The following CYP26C1 variants were observed in gnomAD, a reference collection of about 807,000 sequenced individuals.
The protein encoded by CYP26C1 is cytochrome P450 family 26 subfamily C member 1.
CYP26C1 carries 41 observed loss-of-function variants against 39.1 expected under a neutral mutation model. That is an observed-to-expected ratio of 1.05 (90% CI 0.82 to 1.36). CYP26C1 has a LOEUF of 1.36. Among genes scored for constraint, CYP26C1 ranks in the 40% most tolerant of loss-of-function variants. The pLI is 0.00. For missense variants in CYP26C1, 833 were observed against 752.0 expected, an observed-to-expected ratio of 1.11 and a Z score of -1.26; for synonymous variants, 362 against 350.8, an observed-to-expected ratio of 1.03 and a Z score of -0.36.
Position 93,068,465 on chromosome 10 carries a change from G to A in CYP26C1, c.1337G>A (p.Arg446His), listed in dbSNP as rs1027315035. The A allele has an allele frequency of 6.2e-7, 1 of 1,611,416 alleles. No homozygotes were observed. The highest frequency in any genetic ancestry group is 8.5e-7 in the Non-Finnish European group (1 of 1,179,362). ...AREDSRGASS[R>H]FHYIPFGGGA... ...GAAGATTCCCGGGGCGCCTCCAGCC[G>A]CTTCCATTACATCCCGTTCGGCGGC... Residue 446 changes from arginine to histidine, a missense_variant, in exon 6 of 6, where the codon CGC (arginine) becomes CAC (histidine). By Grantham distance (29) the Arg-to-His change is conservative. Coordinates refer to ENST00000651965, the MANE Select transcript of CYP26C1 (RefSeq NM_183374.3).
Position 93,062,950 on chromosome 10 carries a change from C to A in CYP26C1, c.660C>A (p.Asn220Lys), listed in dbSNP as rs1224395109. The change falls in exon 3 of 6, where the codon AAC (asparagine) becomes AAA (lysine). Residue 220 changes from asparagine to lysine, a missense_variant. Transcript: ENST00000651965. ...LARTFEQLVE[N>K]LFSLPLDVPF... Reference sequence around the variant, plus strand: ...GGACCTTCGAGCAGCTCGTGGAGAACCTCTTCTCACTGCCTCTGGACGTTC... The same window carrying A: ...GGACCTTCGAGCAGCTCGTGGAGAAACTCTTCTCACTGCCTCTGGACGTTC... 1.2e-6 allele frequency: 2 copies of A among 1,601,868 alleles called. No individual in the cohort carries two copies. The highest frequency in any genetic ancestry group is 1.7e-6 in the Non-Finnish European group (2 of 1,177,226).
chr10:93,062,996 G>A lies in CYP26C1; in HGVS notation c.705+1G>A. On this transcript the variant is annotated splice_donor_variant, in intron 3 of 5. Transcript: ENST00000651965. LOFTEE classifies it high-confidence loss of function. Reference sequence around the variant, plus strand: ...CGTTCCCTTCAGTGGCCTACGCAAGGTACGGCCGCCCCGGCTCCAGACCTT... The same window carrying A: ...CGTTCCCTTCAGTGGCCTACGCAAGATACGGCCGCCCCGGCTCCAGACCTT... 1.3e-6 allele frequency: 2 copies of A among 1,557,758 alleles called. No individual in the cohort carries two copies. The highest frequency in any genetic ancestry group is 1.7e-6 in the Non-Finnish European group (2 of 1,153,056).
In CYP26C1 at chr10:93,068,934, G is replaced by T; in HGVS notation, c.*237G>T. On this transcript the variant is annotated 3_prime_UTR_variant, in exon 6 of 6. Transcript: ENST00000651965. The stretch of plus-strand genomic sequence containing the variant: ...TGGGAAGATGCCTTCTGCGCTCCGC[G>T]CCCAGAGGAAGGAAAATGTCGTGGG... 3.3e-6 allele frequency: 2 copies of T among 606,962 alleles called. No homozygotes were observed. The highest frequency in any genetic ancestry group is 5.1e-6 in the Non-Finnish European group (2 of 394,874). The allele number at this position is 606,962 out of a possible 1,614,324, so 37.6% of individuals were successfully genotyped here.
intron 5 of CYP26C1, among the ~76,000 whole-genome samples, chr10:93,066,718 C>T (rs963917333): frequency 6.6e-6 from 1 of 152,208 alleles, no homozygotes; most frequent in African/African-American, 2.4e-5. Flanking sequence ...GAAGGAACCC[C>T]TCATTGCGAC....
Position 93,066,125 on chromosome 10 carries a change from G to C in CYP26C1, c.1031G>C (p.Gly344Ala). ...GGCTGCGCGCCCGGGGCCGCTGGGGGCAGCGAGGGGCCCCCGCCCGACTGC... is the reference window on the plus strand; with the variant it reads ...GGCTGCGCGCCCGGGGCCGCTGGGGCCAGCGAGGGGCCCCCGCCCGACTGC... Reference protein sequence around the residue: ...ACGCAPGAAGGSEGPPPDCGC... With the variant: ...ACGCAPGAAGASEGPPPDCGC... Residue 344 changes from glycine to alanine, a missense_variant, in exon 5 of 6, where the codon GGC becomes GCC. Coordinates refer to ENST00000651965, the MANE Select transcript of CYP26C1 (RefSeq NM_183374.3). The C allele has an allele frequency of 1.5e-6, 2 of 1,334,314 alleles. No individual in the cohort carries two copies. Among genetic ancestry groups the C allele is most frequent in the Non-Finnish European group, 1.9e-6 (2 of 1,047,368 alleles). The allele number at this position is 1,334,314 out of a possible 1,614,324, so 82.7% of individuals were successfully genotyped here. A position where few individuals can be genotyped will look rare whatever the true frequency, so the allele number is the denominator to read the frequency against.
chr10:93,065,312 A>G (rs541371812), intron 4 of CYP26C1, among the ~76,000 whole-genome samples: 29 of 152,238 alleles, frequency 1.9e-4, no homozygotes, highest in South Asian at 4.1e-4. Flanking sequence ...TGGAACTAAT[A>G]AGAGCATGAG....
Position 93,060,920 on chromosome 10 carries a change from G to C in CYP26C1, c.-344G>C. 2.8e-6 allele frequency: 1 copy of C among 355,114 alleles called. No homozygotes were observed. The highest frequency in any genetic ancestry group is 5.1e-6 in the Non-Finnish European group (1 of 196,024). The allele number at this position is 355,114 out of a possible 1,614,324, so 22.0% of individuals were successfully genotyped here. A position where few individuals can be genotyped will look rare whatever the true frequency, so the allele number is the denominator to read the frequency against. On this transcript the variant is annotated 5_prime_UTR_variant, in exon 1 of 6. Coordinates refer to ENST00000651965, the MANE Select transcript of CYP26C1 (RefSeq NM_183374.3). ...TTCTATCCAAAGGGTGCTGAGCCCG[G>C]GAGGAGGTGGGAGGTGCCCCGCGGA...
chr10:93,068,228 G>C (rs1422756436), intron 5 of CYP26C1, 92 bp from the exon 6 acceptor site: 11 of 1,396,074 alleles, frequency 7.9e-6, no homozygotes, highest in Admixed American at 2.9e-5. Flanking sequence ...GTTTTCGGAA[G>C]CCTGATGGAA....
Position 93,060,952 on chromosome 10 carries a change from A to C in CYP26C1, c.-312A>C. 1 of 400,166 alleles carries C rather than the reference A, an allele frequency of 2.5e-6. No individual in the cohort carries two copies. The highest frequency in any genetic ancestry group is 4.4e-6 in the Non-Finnish European group (1 of 224,802). The allele number at this position is 400,166 out of a possible 1,614,324, so 24.8% of individuals were successfully genotyped here. A position where few individuals can be genotyped will look rare whatever the true frequency, so the allele number is the denominator to read the frequency against. The stretch of plus-strand genomic sequence containing the variant: ...GTGGGAGGTGCCCCGCGGAGCCGGG[A>C]GTGAGCGTTCCCGAGGCAGCAGGCA... On this transcript the variant is annotated 5_prime_UTR_variant, in exon 1 of 6. Coordinates refer to ENST00000651965, the MANE Select transcript of CYP26C1 (RefSeq NM_183374.3).
At position 93,069,422 on chromosome 10, in the gene CYP26C1, C is replaced by G. The variant is rs1391181603; in HGVS notation, c.*725C>G. 1 of 152,238 alleles carries G rather than the reference C, an allele frequency of 6.6e-6. No homozygotes were observed. Among genetic ancestry groups the G allele is most frequent in the East Asian group, 1.9e-4 (1 of 5,190 alleles). The allele number at this position is 152,238 out of a possible 1,614,324, so 9.4% of individuals were successfully genotyped here. The stretch of plus-strand genomic sequence containing the variant: ...ATGTATACAGAGGAGAATAGGCACA[C>G]CAACACGTCTCCAACGCTGGATTAT... On this transcript the variant is annotated 3_prime_UTR_variant, in exon 6 of 6. Coordinates refer to ENST00000651965, the MANE Select transcript of CYP26C1 (RefSeq NM_183374.3).
rs2134409803 is a variant in CYP26C1 at position 93,061,193 on chromosome 10, T to C, written c.-71T>C. The C allele has an allele frequency of 6.6e-7, 1 of 1,505,896 alleles. No individual in the cohort carries two copies. The highest frequency in any genetic ancestry group is 2.5e-5 in the East Asian group (1 of 40,736). The allele number at this position is 1,505,896 out of a possible 1,614,324, so 93.3% of individuals were successfully genotyped here. A position where few individuals can be genotyped will look rare whatever the true frequency, so the allele number is the denominator to read the frequency against. On this transcript the variant is annotated 5_prime_UTR_variant, in exon 1 of 6. Coordinates refer to ENST00000651965, the MANE Select transcript of CYP26C1 (RefSeq NM_183374.3). ...GACGGAACAGGTGAGCACTGCGCAC[T>C]GCTCGCGCCCCGGTTCTTGCGTCCC...
At chr10:93,065,032 T>C (rs1360530424) in intron 4 of CYP26C1, among the ~76,000 whole-genome samples, 4 of 152,352 alleles carry the variant, frequency 2.6e-5, no homozygotes, top group African/African-American at 9.6e-5. Flanking sequence ...GTCTTGTTGC[T>C]GTGGATCTCC....
Position 93,068,408 on chromosome 10 carries a change from G to T in CYP26C1, c.1280G>T (p.Gly427Val). 1.9e-6 allele frequency: 3 copies of T among 1,610,718 alleles called. No individual in the cohort carries two copies. The highest frequency in any genetic ancestry group is 2.5e-6 in the Non-Finnish European group (3 of 1,178,924). ...TAAVYRSPPEGFDPERFGAAR... is the reference protein window; with the variant it reads ...TAAVYRSPPEVFDPERFGAAR... ...GCGGTGTACCGCAGCCCTCCCGAAGGCTTCGATCCAGAGCGCTTCGGCGCA... is the reference window on the plus strand; with the variant it reads ...GCGGTGTACCGCAGCCCTCCCGAAGTCTTCGATCCAGAGCGCTTCGGCGCA... The change falls in exon 6 of 6, where the codon GGC (glycine) becomes GTC (valine). Residue 427 changes from glycine to valine, a missense_variant. Transcript: ENST00000651965.
At chr10:93,064,579 C>A (rs942308019) in intron 4 of CYP26C1, 43 bp downstream of exon 4, 2 of 1,588,062 alleles carry the variant, frequency 1.3e-6, no homozygotes, top group African/African-American at 1.3e-5. Context: ...TTTTGCATTC[C>A]CAGCAGGTCC....
rs766046553 is a variant in CYP26C1, at chr10:93,062,843, T to C, written c.553T>C (p.Ser185Pro). Residue 185 changes from serine to proline, a missense_variant, in exon 3 of 6, where the codon TCC (serine) becomes CCC (proline). Physicochemically the swap from Ser to Pro is moderately conservative, Grantham distance 74. Transcript: ENST00000651965. Reference sequence around the variant, plus strand: ...CGGGCCGGTCTCAGTCTACGACGCCTCCAAAGCGCTCACCTTCCGCATGGC... The same window carrying C: ...CGGGCCGGTCTCAGTCTACGACGCCCCCAAAGCGCTCACCTTCCGCATGGC... ...AGGPVSVYDA[S>P]KALTFRMAAR... is the part of the protein sequence containing the mutation. 6.9e-6 allele frequency: 11 copies of C among 1,593,292 alleles called. No individual in the cohort carries two copies. Among genetic ancestry groups the C allele is most frequent in the East Asian group, 6.7e-5 (3 of 44,584 alleles).
intron 4 of CYP26C1, among the ~76,000 whole-genome samples, chr10:93,065,623 A>G (rs1846814969): frequency 6.6e-6 from 1 of 152,156 alleles, no homozygotes; most frequent in South Asian, 2.1e-4. Flanking sequence ...TGTGCCTCAC[A>G]GAGGGGAGGT....
At position 93,068,705 on chromosome 10, in the gene CYP26C1, G is replaced by A. The variant is rs1219374301; in HGVS notation, c.*8G>A. 1.3e-6 allele frequency: 2 copies of A among 1,527,462 alleles called. No homozygotes were observed. The highest frequency in any genetic ancestry group is 3.9e-5 in the Admixed American group (2 of 50,688). The allele number at this position is 1,527,462 out of a possible 1,614,324, so 94.6% of individuals were successfully genotyped here. ...AATGGGCTATGCCTCTGACATGCTT[G>A]CGCTCTAGGACACGGCTTGGCCGGT... On this transcript the variant is annotated 3_prime_UTR_variant, in exon 6 of 6. Transcript: ENST00000651965.
chr10:93,062,823 C>G lies in CYP26C1; in HGVS notation c.533C>G (p.Pro178Arg), dbSNP rs202086264. 141 of 1,570,786 alleles carry G rather than the reference C, an allele frequency of 9.0e-5. No homozygotes were observed. The highest frequency in any genetic ancestry group is 1.4e-4 in the East Asian group (6 of 43,466). Residue 178 changes from proline (P) to arginine (R), a missense_variant, in exon 3 of 6, where the codon CCG (proline) becomes CGG (arginine). By Grantham distance (103) the Pro-to-Arg change is moderately radical (BLOSUM62 -2). Transcript: ENST00000651965. ...CGCTCCTGGTGCGCGGCGGGCGGGC[C>G]GGTCTCAGTCTACGACGCCTCCAAA... ...EVRSWCAAGG[P>R]VSVYDASKAL... is the part of the protein sequence containing the mutation.
intron 1 of CYP26C1, 139 bp downstream of exon 1, chr10:93,061,606 C>T (rs1846750089): frequency 8.9e-7 from 1 of 1,125,266 alleles, no homozygotes; most frequent in Non-Finnish European, 1.2e-6. Context: ...GCGCGCACAA[C>T]TCTCGCCTTT....
Sources: gnomAD v4.1 joint callset for allele counts (sites outside exome capture counted in the v4.1 genomes callset) on GRCh38, gnomAD v4.1.1 for gene constraint, MANE v1.5 for transcripts, NCBI Gene and HGNC (gene_info 2026-07-23, HGNC 2026-07-21) for gene names.